Variants in SPATA31A6 observed in about 807,000 individuals in gnomAD.
SPATA31A6 encodes SPATA31 subfamily A member 6.
Under a neutral mutation model 11.9 loss-of-function variants are expected in SPATA31A6, and 9 were observed. The ratio of observed to expected loss-of-function variants is 0.76; its 90% CI spans 0.46 to 1.32. The LOEUF is 1.32. Among genes scored for constraint, SPATA31A6 ranks in the 40% most tolerant of loss-of-function variants. SPATA31A6 has a pLI of 0.00. For synonymous variants in SPATA31A6, 314 were observed against 572.1 expected, an observed-to-expected ratio of 0.55 and a Z score of 6.44; for missense variants, 855 against 1,467.3, an observed-to-expected ratio of 0.58 and a Z score of 6.82.
At position 42,186,564 on chromosome 9, in the gene SPATA31A6, A is replaced by G; in HGVS notation, c.862A>G (p.Arg288Gly). ...SASSRWQETA[R>G]TSCAFNSSVQ... Reference sequence around the variant, plus strand: ...CTCCTCCCGGTGGCAGGAGACTGCCAGAACCTCGTGCGCCTTTAACTCATC... The same window carrying G: ...CTCCTCCCGGTGGCAGGAGACTGCCGGAACCTCGTGCGCCTTTAACTCATC... The change falls in exon 4 of 4, where the codon AGA (arginine) becomes GGA (glycine). Residue 288 changes from arginine to glycine, a missense_variant. Coordinates refer to ENST00000332857, the MANE Select transcript of SPATA31A6 (RefSeq NM_001145196.1). 3.3e-6 allele frequency: 5 copies of G among 1,525,902 alleles called. 1 individual carries two copies. The highest frequency in any genetic ancestry group is 2.3e-5 in the South Asian group (2 of 86,318). 94.5% of individuals were successfully genotyped at this position (1,525,902 alleles called of 1,614,324 possible). A position where few individuals can be genotyped will look rare whatever the true frequency, so the allele number is the denominator to read the frequency against.
rs1229645756 is a variant in SPATA31A6 at position 42,187,126 on chromosome 9, G to A, written c.1424G>A (p.Arg475His). 25 of 1,539,396 alleles carry A rather than the reference G, an allele frequency of 1.6e-5. 3 individuals carry two copies. The highest frequency in any genetic ancestry group is 4.6e-5 in the African/African-American group (3 of 65,250). The change falls in exon 4 of 4, where the codon CGC becomes CAC. Residue 475 changes from arginine to histidine, a missense_variant. By Grantham distance (29) the Arg-to-His change is conservative. Coordinates refer to ENST00000332857, the MANE Select transcript of SPATA31A6 (RefSeq NM_001145196.1). ...TTCCAGGCCCAGCCCCTGTCCCACC[G>A]CCAACCCTTTATTTCATCCACACCC... ...LLFQAQPLSH[R>H]QPFISSTPQF...
At position 42,187,187 on chromosome 9, in the gene SPATA31A6, T is replaced by A. The variant is rs749354033; in HGVS notation, c.1485T>A (p.Ala495=). The change falls in exon 4 of 4, where the codon GCT becomes GCA. Residue 495 remains alanine, a synonymous_variant. Coordinates refer to ENST00000332857, the MANE Select transcript of SPATA31A6 (RefSeq NM_001145196.1). ...FLPTPMAQAE[A]QAHLQSSFPV... is the part of the protein sequence containing the mutation. ...CCACACCTATGGCTCAGGCCGAGGC[T>A]CAGGCCCATCTTCAGTCTTCTTTCC... 2 of 1,543,244 alleles carry A rather than the reference T, an allele frequency of 1.3e-6. No individual in the cohort carries two copies. Among genetic ancestry groups the A allele is most frequent in the Non-Finnish European group, 8.8e-7 (1 of 1,138,124 alleles).
Position 42,186,900 on chromosome 9 carries a change from G to C in SPATA31A6, c.1198G>C (p.Asp400His), listed in dbSNP as rs1208308277. 3.9e-6 allele frequency: 6 copies of C among 1,538,800 alleles called. No homozygotes were observed. The highest frequency in any genetic ancestry group is 5.3e-6 in the Non-Finnish European group (6 of 1,142,502). Reference protein sequence around the residue: ...KQLPGPQKCSDPRLLQESFWK... With the variant: ...KQLPGPQKCSHPRLLQESFWK... Reference sequence around the variant, plus strand: ...GCTGCCCGGACCTCAGAAGTGCTCAGATCCTAGGCTCTTGCAGGAAAGTTT... The same window carrying C: ...GCTGCCCGGACCTCAGAAGTGCTCACATCCTAGGCTCTTGCAGGAAAGTTT... Residue 400 changes from aspartate (D) to histidine (H), a missense_variant, in exon 4 of 4, where the codon GAT becomes CAT. Transcript: ENST00000332857.
At position 42,186,286 on chromosome 9, in the gene SPATA31A6, A is replaced by C. The variant is rs1336565402; in HGVS notation, c.584A>C (p.His195Pro). 3.5e-6 allele frequency: 3 copies of C among 849,944 alleles called. No individual in the cohort carries two copies. The highest frequency in any genetic ancestry group is 3.3e-5 in the Admixed American group (1 of 30,622). 52.7% of individuals were successfully genotyped at this position (849,944 alleles called of 1,614,324 possible). A position where few individuals can be genotyped will look rare whatever the true frequency, so the allele number is the denominator to read the frequency against. ...CCAGAACCTTCCCTTCCCCTAGAAC[A>C]CCCCTCACCCGAGCCACCTGCACTT... ...QPPEPSLPLE[H>P]PSPEPPALFP... Residue 195 changes from histidine (H) to proline (P), a missense_variant, in exon 4 of 4, where the codon CAC becomes CCC. His to Pro is a moderately conservative substitution (Grantham distance 77, BLOSUM62 -2). Coordinates refer to ENST00000332857, the MANE Select transcript of SPATA31A6 (RefSeq NM_001145196.1).
Position 42,189,198 on chromosome 9 carries a change from T to C in SPATA31A6, c.3496T>C (p.Phe1166Leu). The C allele has an allele frequency of 6.5e-7, 1 of 1,542,200 alleles. No homozygotes were observed. Residue 1166 changes from phenylalanine to leucine, a missense_variant, in exon 4 of 4, where the codon TTT (phenylalanine) becomes CTT (leucine). Phe to Leu is a conservative substitution (Grantham distance 22). Coordinates refer to ENST00000332857, the MANE Select transcript of SPATA31A6 (RefSeq NM_001145196.1). Reference sequence around the variant, plus strand: ...CCACTTTGGAGAAAACATCAAGCAATTTTTTCAGTGGATTTTTTCAAAGAA... The same window carrying C: ...CCACTTTGGAGAAAACATCAAGCAACTTTTTCAGTGGATTTTTTCAAAGAA... Reference protein sequence around the residue: ...VSHFGENIKQFFQWIFSKKKS... With the variant: ...VSHFGENIKQLFQWIFSKKKS...
intron 2 of SPATA31A6, 139 bp from the exon 3 acceptor site, chr9:42,185,556 G>T: frequency 9.0e-7 from 1 of 1,111,016 alleles, no homozygotes; most frequent in Non-Finnish European, 1.3e-6. Flanking sequence ...TTAACGTCGG[G>T]GTCATGTGGC....
chr9:42,185,885 C>G, intron 3 of SPATA31A6, 126 bp from the exon 4 acceptor site: 1 of 1,462,618 alleles, frequency 6.8e-7, no homozygotes, highest in Non-Finnish European at 9.1e-7. Context: ...AACCCTGGGG[C>G]GAGGGGTAGC....
At chr9:42,184,027 G>A (rs1829396501) in intron 1 of SPATA31A6, among the ~76,000 whole-genome samples, 151 bp downstream of exon 1, 1 of 137,376 alleles carries the variant, frequency 7.3e-6, no homozygotes, top group African/African-American at 2.9e-5. Context: ...AGGCAGGGCA[G>A]CCAGGGGTTG....
In SPATA31A6 at chr9:42,185,740, T is replaced by A. The variant is rs1418743673; in HGVS notation, c.293T>A (p.Leu98His). 1 of 1,223,554 alleles carries A rather than the reference T, an allele frequency of 8.2e-7. No individual in the cohort carries two copies. The highest frequency in any genetic ancestry group is 2.2e-5 in the Admixed American group (1 of 45,310). 75.8% of individuals were successfully genotyped at this position (1,223,554 alleles called of 1,614,324 possible). The change falls in exon 3 of 4, where the codon CTT becomes CAT. Residue 98 changes from leucine to histidine, a missense_variant. Transcript: ENST00000332857. ...GGCCTGGAGGAGACTTCGGACCTTC[T>A]TTCACAACTGCAGAGGTGAGGCACT... ...PRGLEETSDL[L>H]SQLQSLLGPH...
At chr9:42,183,934 T>G (rs1430324020) in intron 1 of SPATA31A6, 58 bp downstream of exon 1, 1 of 1,522,948 alleles carries the variant, frequency 6.6e-7, no homozygotes, top group African/African-American at 1.6e-5. Flanking sequence ...TTTTTATTAT[T>G]AGTTCCACTT....
At position 42,183,896 on chromosome 9, in the gene SPATA31A6, G is replaced by C. The variant is rs2259502; in HGVS notation, c.189+20G>C. On this transcript the variant is annotated intron_variant, in intron 1 of 3. Coordinates refer to ENST00000332857, the MANE Select transcript of SPATA31A6 (RefSeq NM_001145196.1). ...AGAAAGGTAAGGAACCCTCAGTCCC[G>C]ACCCACAGAGCTTGATTCTCTCCTT... 1 of 1,523,164 alleles carries C rather than the reference G, an allele frequency of 6.6e-7. No homozygotes were observed. The highest frequency in any genetic ancestry group is 1.2e-5 in the South Asian group (1 of 86,274). 94.4% of individuals were successfully genotyped at this position (1,523,164 alleles called of 1,614,324 possible). A position where few individuals can be genotyped will look rare whatever the true frequency, so the allele number is the denominator to read the frequency against.
Position 42,189,331 on chromosome 9 carries a change from G to A in SPATA31A6, c.3629G>A (p.Gly1210Glu), listed in dbSNP as rs1329483197. Residue 1210 changes from glycine (G) to glutamate (E), a missense_variant, in exon 4 of 4, where the codon GGA (glycine) becomes GAA (glutamate). Coordinates refer to ENST00000332857, the MANE Select transcript of SPATA31A6 (RefSeq NM_001145196.1). ...GCTCAGGGTCTCATGACGGCAGTTG[G>A]ACAAATGCTGGACAAGAAAATGTCA... ...AEAQGLMTAVGQMLDKKMSLC... is the reference protein window; with the variant it reads ...AEAQGLMTAVEQMLDKKMSLC... 4 of 1,543,440 alleles carry A rather than the reference G, an allele frequency of 2.6e-6. No homozygotes were observed. Among genetic ancestry groups the A allele is most frequent in the Admixed American group, 1.8e-5 (1 of 57,016 alleles).
rs1231604352 is a variant in SPATA31A6, at chr9:42,185,498, G to A, written c.248-197G>A. 13 of 981,896 alleles carry A rather than the reference G, an allele frequency of 1.3e-5. 1 individual carries two copies. In the Middle Eastern group the frequency reaches 1.9e-3, roughly 147 times the overall value. 60.8% of individuals were successfully genotyped at this position (981,896 alleles called of 1,614,324 possible). On this transcript the variant is annotated intron_variant, in intron 2 of 3. Coordinates refer to ENST00000332857, the MANE Select transcript of SPATA31A6 (RefSeq NM_001145196.1). ...GACTGTGGGGGTGGGGGGTCCGTGT[G>A]TGGAAGCCTGTTGTGAATGAAAAAG...
Position 42,187,330 on chromosome 9 carries a change from TG to T in SPATA31A6, c.1629del (p.Leu543PhefsTer2), listed in dbSNP as rs1414843218. The T allele has an allele frequency of 5.8e-6, 9 of 1,539,690 alleles. 1 individual carries two copies. The highest frequency in any genetic ancestry group is 7.9e-6 in the Non-Finnish European group (9 of 1,137,478). On this transcript the variant is annotated frameshift_variant, in exon 4 of 4. Transcript: ENST00000332857. LOFTEE classifies it low-confidence loss of function (END_TRUNC). ...GAAACTCAGCACCCTGAATGGCCTT[TG>T]TTGAGGAAACAACTAGAAGGTAGGT... ...LPETQHPEWP[L>X]LRKQLEGRLA...
chr9:42,189,106 C>G lies in SPATA31A6; in HGVS notation c.3404C>G (p.Thr1135Arg). The change falls in exon 4 of 4, where the codon ACA becomes AGA. Residue 1135 changes from threonine (T) to arginine (R), a missense_variant. By Grantham distance (71) the Thr-to-Arg change is moderately conservative (BLOSUM62 -1). Transcript: ENST00000332857. The part of the protein sequence containing the change: ...RTPQLTPVRK[T>R]EDTHQDEGVQ... ...CCTCAACTTACCCCAGTCAGGAAAA[C>G]AGAAGACACCCATCAGGATGAAGGC... The G allele has an allele frequency of 1.3e-6, 2 of 1,545,786 alleles. No homozygotes were observed. The highest frequency in any genetic ancestry group is 1.8e-6 in the Non-Finnish European group (2 of 1,139,314).
intron 1 of SPATA31A6, among the ~76,000 whole-genome samples, 162 bp downstream of exon 1, chr9:42,184,038 G>A: frequency 7.3e-6 from 1 of 137,312 alleles, no homozygotes; most frequent in Non-Finnish European, 1.6e-5. Context: ...CCAGGGGTTG[G>A]TAGGGGTAGA....
chr9:42,184,408 G>A (rs1829403175), intron 1 of SPATA31A6, among the ~76,000 whole-genome samples: 1 of 133,604 alleles, frequency 7.5e-6, no homozygotes, highest in Non-Finnish European at 1.6e-5. Context: ...GACTGAAGGT[G>A]TCCGTGGTGG....
rs139424891 is a variant in SPATA31A6, at chr9:42,185,522, A to T, written c.248-173A>T. On this transcript the variant is annotated intron_variant, in intron 2 of 3. Transcript: ENST00000332857. ...TGTGGAAGCCTGTTGTGAATGAAAA[A>T]GCCCTGTCCTCCATGCCTTGCTATT... is the stretch of plus-strand genomic sequence containing the variant. Among the ~76,000 whole-genome samples, 1,189 of 137,562 alleles carry T rather than the reference A, an allele frequency of 8.6e-3. 271 individuals are homozygous for T. The highest frequency in any genetic ancestry group is 0.033 in the African/African-American group (1,145 of 34,408). 90.2% of individuals were successfully genotyped at this position (137,562 alleles called of 152,430 possible).
rs1478274953 is a variant in SPATA31A6, at chr9:42,184,570, C to T, written c.190-499C>T. Among the ~76,000 whole-genome samples, 85 of 133,146 alleles carry T rather than the reference C, an allele frequency of 6.4e-4. 13 individuals are homozygous for T. In the South Asian group the frequency reaches 0.018, roughly 27 times the overall value. The allele number at this position is 133,146 out of a possible 152,430, so 87.3% of individuals were successfully genotyped here. ...TTTGAGATGGAGTCTCGCTCTGTGA[C>T]GCAGGTTGCAGTGAAATGGAGTGAT... On this transcript the variant is annotated intron_variant, in intron 1 of 3. Transcript: ENST00000332857.
Sources: gnomAD v4.1 joint callset for allele counts (sites outside exome capture counted in the v4.1 genomes callset) on GRCh38, gnomAD v4.1.1 for gene constraint, MANE v1.5 for transcripts, NCBI Gene and HGNC (gene_info 2026-07-23, HGNC 2026-07-21) for gene names.